RAB40B: variants seen among roughly 807,000 people sequenced by gnomAD.
The protein encoded by RAB40B is ras-related protein Rab-40B.
In RAB40B, 21 loss-of-function variants were observed where a neutral mutation model predicts 24.0. The ratio of observed to expected loss-of-function variants is 0.88; its 90% CI spans 0.62 to 1.26. The LOEUF (loss-of-function observed/expected upper bound fraction) is 1.26. RAB40B is among the 50% of genes most tolerant of loss of function. The pLI is 0.00. For synonymous variants in RAB40B, 167 were observed against 169.8 expected (o/e 0.98, Z 0.13); for missense variants, 348 against 390.5 (o/e 0.89, Z 0.92).
intron 1 of RAB40B, among the ~76,000 whole-genome samples, chr17:82,695,859 G>A (rs2046604738): frequency 6.6e-6 from 1 of 152,116 alleles, no homozygotes; most frequent in South Asian, 2.1e-4. Flanking sequence ...CTCAGGCCAA[G>A]TAGACAATAA....
chr17:82,658,259 A>G (rs1478963185), intron 5 of RAB40B, 125 bp from the exon 6 acceptor site: 15 of 1,338,348 alleles, frequency 1.1e-5, no homozygotes, highest in African/African-American at 2.9e-5. Context: ...TGGCTTGTAC[A>G]TGCAGCAAGC....
In RAB40B at chr17:82,667,908, C is replaced by G. The variant is rs757641492; in HGVS notation, c.143-3352G>C. Among the ~76,000 whole-genome samples the G allele has an allele frequency of 6.6e-6, 1 of 152,132 alleles. No homozygotes were observed. Among genetic ancestry groups the G allele is most frequent in the African/African-American group, 2.4e-5 (1 of 41,434 alleles). ...AGCCCAGCAGGCACGCTGAGTGCAC[C>G]GTCTGTCTCTCTCTTCTTGGCATGG... On this transcript the variant is annotated intron_variant, in intron 1 of 5. Coordinates refer to ENST00000571995, the MANE Select transcript of RAB40B (RefSeq NM_006822.3). This position sits in a 1 kb window ranked among gnomAD's most constrained non-coding sequence, Gnocchi z 4.3.
In RAB40B at chr17:82,657,722, C is replaced by T. The variant is rs761630201; in HGVS notation, c.*141G>A. 6 of 1,021,002 alleles carry T rather than the reference C, an allele frequency of 5.9e-6. No individual in the cohort carries two copies. In the South Asian group the frequency reaches 7.6e-5, roughly 13 times the overall value. 63.2% of individuals were successfully genotyped at this position (1,021,002 alleles called of 1,614,324 possible). On this transcript the variant is annotated 3_prime_UTR_variant, in exon 6 of 6. Coordinates refer to ENST00000571995, the MANE Select transcript of RAB40B (RefSeq NM_006822.3). ...CGAAGTCCGACGGGGTAGTGTGTTTCCATCACACGGAAGGCGTCGCACACA... is the reference window on the plus strand; with the variant it reads ...CGAAGTCCGACGGGGTAGTGTGTTTTCATCACACGGAAGGCGTCGCACACA...
rs992477963 is a variant in RAB40B, at chr17:82,656,325, T to A, written c.*1538A>T. 2 of 152,208 alleles carry A rather than the reference T, an allele frequency of 1.3e-5. No homozygotes were observed. The highest frequency in any genetic ancestry group is 1.3e-4 in the Admixed American group (2 of 15,260). The allele number at this position is 152,208 out of a possible 1,614,324, so 9.4% of individuals were successfully genotyped here. A position where few individuals can be genotyped will look rare whatever the true frequency, so the allele number is the denominator to read the frequency against. On this transcript the variant is annotated 3_prime_UTR_variant, in exon 6 of 6. Coordinates refer to ENST00000571995, the MANE Select transcript of RAB40B (RefSeq NM_006822.3). Reference sequence around the variant, plus strand: ...TGGGTATTTTCTCGCTTCGTTTTTTTGGTTTAGTCCCTCATTTGCGACCCC... The same window carrying A: ...TGGGTATTTTCTCGCTTCGTTTTTTAGGTTTAGTCCCTCATTTGCGACCCC...
chr17:82,682,910 C>T (rs531811450), intron 1 of RAB40B, among the ~76,000 whole-genome samples: 12 of 152,266 alleles, frequency 7.9e-5, no homozygotes, highest in East Asian at 7.7e-4. Context: ...TTTGGGAGAC[C>T]GAGGCAGGCA....
At chr17:82,680,415 C>G (rs1280067366) in intron 1 of RAB40B, among the ~76,000 whole-genome samples, 2 of 152,208 alleles carry the variant, frequency 1.3e-5, no homozygotes, top group African/African-American at 4.8e-5. Context: ...GTGAGCTTCT[C>G]AACTCAAAGT....
At position 82,692,587 on chromosome 17, in the gene RAB40B, C is replaced by T. The variant is rs1281659387; in HGVS notation, c.142+5868G>A. Among the ~76,000 whole-genome samples the T allele has an allele frequency of 1.6e-4, 20 of 127,012 alleles. No homozygotes were observed. Among genetic ancestry groups the T allele is most frequent in the East Asian group, 7.9e-4 (3 of 3,774 alleles). The allele number at this position is 127,012 out of a possible 152,430, so 83.3% of individuals were successfully genotyped here. On this transcript the variant is annotated intron_variant, in intron 1 of 5. Coordinates refer to ENST00000571995, the MANE Select transcript of RAB40B (RefSeq NM_006822.3). This position sits in a 1 kb window ranked among gnomAD's most constrained non-coding sequence, Gnocchi z 4.0. ...CTGGGACAACGGTGGCCGTGCGATG[C>T]GGGGTGGGGGTGGGGGGCATCCGAC... is the stretch of plus-strand genomic sequence containing the variant.
At chr17:82,664,114 GA>G (rs2046216374) in intron 2 of RAB40B, among the ~76,000 whole-genome samples, 3 of 133,770 alleles carry the variant, frequency 2.2e-5, no homozygotes, top group Non-Finnish European at 3.2e-5. Flanking sequence ...TTGGTGGGGG[GA>G]GGGTGCTCCC....
chr17:82,687,075 C>T (rs2046510227), intron 1 of RAB40B, among the ~76,000 whole-genome samples: 1 of 149,056 alleles, frequency 6.7e-6, no homozygotes, highest in South Asian at 2.1e-4. Flanking sequence ...TGTCTGTGGG[C>T]CCCCCCACAC....
At chr17:82,670,936 C>T (rs1319298617) in intron 1 of RAB40B, among the ~76,000 whole-genome samples, 12 of 152,020 alleles carry the variant, frequency 7.9e-5, no homozygotes, top group Non-Finnish European at 1.8e-4. Context: ...TCACGATCCA[C>T]GATGTTGGAC....
chr17:82,689,435 C>T (rs1460866023), intron 1 of RAB40B, among the ~76,000 whole-genome samples: 1 of 152,232 alleles, frequency 6.6e-6, no homozygotes, highest in Non-Finnish European at 1.5e-5. Flanking sequence ...GAGCCTCTCC[C>T]AGCCTGTCAC....
chr17:82,698,375 C>A, intron 1 of RAB40B, 80 bp downstream of exon 1: 1 of 221,670 alleles, frequency 4.5e-6, no homozygotes, highest in South Asian at 1.3e-4. Context: ...ACCCGGACCC[C>A]CACCCGCACC....
rs1203332739 is a variant in RAB40B, at chr17:82,655,511, G to A, written c.*2352C>T. 1 of 152,276 alleles carries A rather than the reference G, an allele frequency of 6.6e-6. No homozygotes were observed. The highest frequency in any genetic ancestry group is 1.5e-5 in the Non-Finnish European group (1 of 68,056). The allele number at this position is 152,276 out of a possible 1,614,324, so 9.4% of individuals were successfully genotyped here. On this transcript the variant is annotated 3_prime_UTR_variant, in exon 6 of 6. Coordinates refer to ENST00000571995, the MANE Select transcript of RAB40B (RefSeq NM_006822.3). ...TTGGCCTGGTTTAATGTTGCAATGG[G>A]AGGATCCATTTCCTTACCCTTCACC...
intron 1 of RAB40B, among the ~76,000 whole-genome samples, chr17:82,671,544 G>C (rs868747265): frequency 7.4e-6 from 1 of 135,864 alleles, no homozygotes; most frequent in African/African-American, 3.1e-5. Context: ...ACACTCACAC[G>C]CTCCCTGTAC....
chr17:82,658,362 C>T (rs192038414), intron 5 of RAB40B, 129 bp downstream of exon 5: 12,672 of 1,168,828 alleles, frequency 0.011, 117 homozygotes, highest in South Asian at 0.027. Flanking sequence ...CTCTCAAATG[C>T]CTTGCTCTGA....
At chr17:82,662,073 GAC>G (rs1186334498) in intron 2 of RAB40B, 1 of 985,280 alleles carries the variant, frequency 1.0e-6, no homozygotes, top group Non-Finnish European at 1.2e-6. Flanking sequence ...CCGCACACGA[GAC>G]ACAACCTCAC....
chr17:82,697,088 C>A lies in RAB40B; in HGVS notation c.142+1367G>T, dbSNP rs1259533670. 1.3e-5 allele frequency among the ~76,000 whole-genome samples: 2 copies of A among 152,140 alleles called. No homozygotes were observed. The highest frequency in any genetic ancestry group is 1.5e-5 in the Non-Finnish European group (1 of 68,002). On this transcript the variant is annotated intron_variant, in intron 1 of 5. Coordinates refer to ENST00000571995, the MANE Select transcript of RAB40B (RefSeq NM_006822.3). The surrounding 1 kb of genome is among the most constrained non-coding windows in gnomAD (Gnocchi z 4.9). ...CCACCAGCTGCCAGAGACTCCCCCG[C>A]ATGCTGCAGTTTCAGGAGGCCTCTG... is the stretch of plus-strand genomic sequence containing the variant.
chr17:82,680,583 C>T (rs2046439424), intron 1 of RAB40B, among the ~76,000 whole-genome samples: 1 of 152,150 alleles, frequency 6.6e-6, no homozygotes, highest in Admixed American at 6.5e-5. Context: ...AATCTTATCA[C>T]CCATGGACAA....
intron 1 of RAB40B, among the ~76,000 whole-genome samples, chr17:82,668,888 T>C (rs1326140352): frequency 2.0e-5 from 3 of 152,206 alleles, no homozygotes; most frequent in African/African-American, 7.2e-5. Context: ...GCAGCCACTC[T>C]AGATGGGCCA....
Sources: allele counts gnomAD v4.1 joint callset (sites outside exome capture counted in the v4.1 genomes callset), GRCh38; gene constraint gnomAD v4.1.1; non-coding constraint Gnocchi (gnomAD v3.1); transcripts MANE v1.5; gene names NCBI Gene and HGNC (gene_info 2026-07-23, HGNC 2026-07-21).